Variants in PIEZO2 observed in about 807,000 individuals in gnomAD.
PIEZO2 encodes the protein piezo type mechanosensitive ion channel component 2.
In PIEZO2, 172 loss-of-function variants were observed where a neutral mutation model predicts 337.3. The ratio of observed to expected loss-of-function variants is 0.51; its 90% CI spans 0.45 to 0.58. PIEZO2 has a LOEUF of 0.58. Ranked by LOEUF, PIEZO2 falls within the 20% of genes least tolerant of loss-of-function variation. The pLI is 0.00. For missense variants in PIEZO2, 3,028 were observed against 3,391.3 expected (o/e 0.89, Z 2.66); for synonymous variants, 1,251 against 1,228.5 (o/e 1.02, Z -0.38).
chr18:10,987,122 G>T lies in PIEZO2; in HGVS notation c.161-7462C>A, dbSNP rs573649210. On this transcript the variant is annotated intron_variant, in intron 2 of 55. Coordinates refer to ENST00000674853, the MANE Select transcript of PIEZO2 (RefSeq NM_001378183.1). ...CTGGAATAATTAATGTATTTAAGAT[G>T]CCCATACTGCCAAAAGGAATCTACA... 3.2e-4 allele frequency among the ~76,000 whole-genome samples: 48 copies of T among 152,040 alleles called. No homozygotes were observed. The South Asian group carries it at 7.1e-3, about 22-fold the overall frequency.
intron 26 of PIEZO2, among the ~76,000 whole-genome samples, chr18:10,758,832 G>C (rs556471833): frequency 6.6e-6 from 1 of 152,350 alleles, no homozygotes; most frequent in African/African-American, 2.4e-5. Flanking sequence ...CGCAGCCTGA[G>C]AGAGCTGTCC....
At chr18:10,983,124 AT>A (rs2034733846) in intron 2 of PIEZO2, among the ~76,000 whole-genome samples, 1 of 152,202 alleles carries the variant, frequency 6.6e-6, no homozygotes, top group Admixed American at 6.5e-5. Context: ...GTTTATTTAT[AT>A]TAACTTGATA....
At chr18:10,835,486 G>A (rs2040980025) in intron 7 of PIEZO2, among the ~76,000 whole-genome samples, 1 of 151,958 alleles carries the variant, frequency 6.6e-6, no homozygotes, top group Non-Finnish European at 1.5e-5. Context: ...TGCACATAAT[G>A]GTATATTGGC....
chr18:10,820,420 T>C (rs766120293), intron 7 of PIEZO2, among the ~76,000 whole-genome samples: 2 of 151,990 alleles, frequency 1.3e-5, no homozygotes, highest in Non-Finnish European at 2.9e-5. Flanking sequence ...CTCAAGTTCA[T>C]CTATCTTTTC....
At chr18:10,930,026 T>G (rs890003131) in intron 3 of PIEZO2, among the ~76,000 whole-genome samples, 1 of 152,130 alleles carries the variant, frequency 6.6e-6, no homozygotes, top group African/African-American at 2.4e-5. Flanking sequence ...AGAACAAACT[T>G]TTTGTGGCAA....
chr18:10,880,744 T>A (rs2042387803), intron 4 of PIEZO2, among the ~76,000 whole-genome samples: 1 of 150,990 alleles, frequency 6.6e-6, no homozygotes, highest in Non-Finnish European at 1.5e-5. Flanking sequence ...GATGCAGGTG[T>A]CTTTAGTCAC....
chr18:10,902,315 C>T (rs1005866884), intron 4 of PIEZO2, among the ~76,000 whole-genome samples: 1 of 152,126 alleles, frequency 6.6e-6, no homozygotes, highest in African/African-American at 2.4e-5. Context: ...ATGCTATGAC[C>T]GAAGTTTAAC....
At chr18:10,995,340 T>G (rs2145578247) in intron 2 of PIEZO2, among the ~76,000 whole-genome samples, 1 of 152,302 alleles carries the variant, frequency 6.6e-6, no homozygotes, top group South Asian at 2.1e-4. Flanking sequence ...TCTTGCTAAT[T>G]TCTTTGAGTT....
Position 10,809,014 on chromosome 18 carries a change from G to A in PIEZO2, c.918-1740C>T, listed in dbSNP as rs528030353. Among the ~76,000 whole-genome samples the A allele has an allele frequency of 2.4e-4, 36 of 152,202 alleles. No homozygotes were observed. The South Asian group carries it at 7.0e-3, about 30-fold the overall frequency. Reference sequence around the variant, plus strand: ...AATTTTCTGTAGCTGTTGGTAAAGCGAACTAAATGCTTCATATCATATAGA... The same window carrying A: ...AATTTTCTGTAGCTGTTGGTAAAGCAAACTAAATGCTTCATATCATATAGA... On this transcript the variant is annotated intron_variant, in intron 7 of 55. Coordinates refer to ENST00000674853, the MANE Select transcript of PIEZO2 (RefSeq NM_001378183.1).
rs984798670 is a variant in PIEZO2 at position 11,099,954 on chromosome 18, T to A, written c.65-33732A>T. On this transcript the variant is annotated intron_variant, in intron 1 of 55. Coordinates refer to ENST00000674853, the MANE Select transcript of PIEZO2 (RefSeq NM_001378183.1). The surrounding 1 kb of genome is among the most constrained non-coding windows in gnomAD (Gnocchi z 5.4). Reference sequence around the variant, plus strand: ...CCTTTGTTAATTATATAATCACAAATGTTTTCTCCTAGTATGTCATTTGTC... The same window carrying A: ...CCTTTGTTAATTATATAATCACAAAAGTTTTCTCCTAGTATGTCATTTGTC... 6.6e-6 allele frequency among the ~76,000 whole-genome samples: 1 copy of A among 152,212 alleles called. No individual in the cohort carries two copies. The highest frequency in any genetic ancestry group is 1.5e-5 in the Non-Finnish European group (1 of 68,042).
intron 3 of PIEZO2, among the ~76,000 whole-genome samples, chr18:10,924,878 A>C (rs1471322563): frequency 6.6e-6 from 1 of 152,208 alleles, no homozygotes; most frequent in Non-Finnish European, 1.5e-5. Context: ...GTGTGTGCCA[A>C]ATAGTAATGT....
chr18:10,749,242 T>G (rs918470328), intron 29 of PIEZO2, among the ~76,000 whole-genome samples: 9 of 152,150 alleles, frequency 5.9e-5, no homozygotes, highest in African/African-American at 2.2e-4. Flanking sequence ...GGAGGATTGC[T>G]TGAGGCCAGG....
chr18:10,694,589 G>C (rs879408557), intron 47 of PIEZO2, among the ~76,000 whole-genome samples: 1 of 152,174 alleles, frequency 6.6e-6, no homozygotes, highest in Non-Finnish European at 1.5e-5. Context: ...CTAGCACTTT[G>C]GGAGGCCCAG....
intron 4 of PIEZO2, among the ~76,000 whole-genome samples, chr18:10,893,371 C>T (rs2042809113): frequency 2.0e-5 from 3 of 152,166 alleles, no homozygotes. Context: ...GATGTGCAGG[C>T]AGGTCACACC....
In PIEZO2 at chr18:10,699,196, G is replaced by A; in HGVS notation, c.6442-19C>T. ...CATGGCACTGAGAAAGCAGGGACAGGGACAAATGAGGCTACTGTTTCAGGT... is the reference window on the plus strand; with the variant it reads ...CATGGCACTGAGAAAGCAGGGACAGAGACAAATGAGGCTACTGTTTCAGGT... On this transcript the variant is annotated intron_variant, in intron 43 of 55. Transcript: ENST00000674853. The A allele has an allele frequency of 6.5e-7, 1 of 1,536,960 alleles. No homozygotes were observed. The highest frequency in any genetic ancestry group is 8.7e-7 in the Non-Finnish European group (1 of 1,146,832).
intron 2 of PIEZO2, among the ~76,000 whole-genome samples, chr18:11,019,177 G>T (rs190172301): frequency 9.7e-4 from 147 of 152,316 alleles, no homozygotes; most frequent in Non-Finnish European, 3.5e-4. Flanking sequence ...ACAGAAGGCA[G>T]CAGCCTTCTA....
At chr18:10,793,787 T>C (rs965461874) in intron 13 of PIEZO2, among the ~76,000 whole-genome samples, 6 of 152,154 alleles carry the variant, frequency 3.9e-5, no homozygotes, top group African/African-American at 1.4e-4. Flanking sequence ...AATCAATGAA[T>C]GACATTCCCT....
chr18:10,798,968 T>A (rs1225456496), intron 11 of PIEZO2, among the ~76,000 whole-genome samples: 1 of 142,380 alleles, frequency 7.0e-6, no homozygotes, highest in African/African-American at 2.6e-5. Flanking sequence ...CATCATGGGT[T>A]GGGTGTGAGG....
intron 2 of PIEZO2, among the ~76,000 whole-genome samples, chr18:11,062,662 C>T (rs1354830801): frequency 1.3e-5 from 2 of 152,172 alleles, no homozygotes; most frequent in African/African-American, 2.4e-5. Flanking sequence ...CGAAAAAATG[C>T]TCATCATCAC....
Sources: gnomAD v4.1 joint callset for allele counts (sites outside exome capture counted in the v4.1 genomes callset) on GRCh38, gnomAD v4.1.1 for gene constraint, Gnocchi (gnomAD v3.1) non-coding constraint, MANE v1.5 for transcripts, NCBI Gene and HGNC (gene_info 2026-07-23, HGNC 2026-07-21) for gene names.